The following PDCL3 variants were observed in gnomAD, a reference collection of about 807,000 sequenced individuals.
PDCL3 encodes the protein phosducin like 3.
Under a neutral mutation model 26.5 loss-of-function variants are expected in PDCL3, and 22 were observed. The observed-to-expected ratio is 0.83, with a 90% confidence interval of 0.59 to 1.19. PDCL3 has a LOEUF of 1.19. PDCL3 is among the 50% of genes most tolerant of loss of function. The pLI is 0.00. For missense variants in PDCL3, 246 were observed against 294.1 expected (o/e 0.84, Z 1.20); for synonymous variants, 81 against 104.9 (o/e 0.77, Z 1.39).
At chr2:100,572,604 G>GC (rs1235201661) in intron 5 of PDCL3, among the ~76,000 whole-genome samples, 2 of 151,692 alleles carry the variant, frequency 1.3e-5, no homozygotes, top group African/African-American at 2.4e-5. Flanking sequence ...TGCAACCTCT[G>GC]CCCCCCAGGT....
At position 100,567,299 on chromosome 2, in the gene PDCL3, C is replaced by A. The variant is rs549969697; in HGVS notation, c.133+670C>A. On this transcript the variant is annotated intron_variant, in intron 2 of 5. Transcript: ENST00000264254. ...TTTATTAGAAAGTATCCAGCGAGTG[C>A]TTACTGCATGATTATCATTGTCAGG... 1.1e-4 allele frequency among the ~76,000 whole-genome samples: 17 copies of A among 152,300 alleles called. No homozygotes were observed. In the South Asian group the frequency reaches 3.5e-3, roughly 32 times the overall value.
intron 2 of PDCL3, among the ~76,000 whole-genome samples, chr2:100,568,122 G>C (rs557352636): frequency 1.3e-5 from 2 of 152,180 alleles, no homozygotes; most frequent in Non-Finnish European, 2.9e-5. Flanking sequence ...GCCAAGGGAT[G>C]CATTAACTTG....
intron 5 of PDCL3, among the ~76,000 whole-genome samples, chr2:100,574,358 T>G (rs1249317286): frequency 6.6e-6 from 1 of 151,960 alleles, no homozygotes; most frequent in East Asian, 1.9e-4. Context: ...TTTTTTTTTT[T>G]TAAGAAACAG....
intron 1 of PDCL3, among the ~76,000 whole-genome samples, chr2:100,563,978 C>G (rs995597790): frequency 2.7e-5 from 4 of 148,952 alleles, no homozygotes; most frequent in African/African-American, 9.9e-5. Flanking sequence ...GTGGCTCTGT[C>G]ACAGCTCACT....
rs755204035 is a variant in PDCL3 at position 100,575,525 on chromosome 2, A to T, written c.578-829A>T. On this transcript the variant is annotated intron_variant, in intron 5 of 5. Coordinates refer to ENST00000264254, the MANE Select transcript of PDCL3 (RefSeq NM_024065.5). Reference sequence around the variant, plus strand: ...GAAGCCATTTGTTGTAGAATCTCTTACGTAGTCCTTTGGTTCTGCCTGGGC... The same window carrying T: ...GAAGCCATTTGTTGTAGAATCTCTTTCGTAGTCCTTTGGTTCTGCCTGGGC... Among the ~76,000 whole-genome samples, 36 of 152,306 alleles carry T rather than the reference A, an allele frequency of 2.4e-4. No homozygotes were observed. In the South Asian group the frequency reaches 3.5e-3, roughly 15 times the overall value.
At chr2:100,565,662 C>CT (rs1363119347) in intron 1 of PDCL3, among the ~76,000 whole-genome samples, 1 of 152,188 alleles carries the variant, frequency 6.6e-6, no homozygotes, top group African/African-American at 2.4e-5. Flanking sequence ...GGGAACATCC[C>CT]TATCTACTCT....
chr2:100,566,492 C>A lies in PDCL3; in HGVS notation c.7-11C>A. On this transcript the variant is annotated splice_polypyrimidine_tract_variant and intron_variant, in intron 1 of 5. Transcript: ENST00000264254. ...TTAGCACTCATGGTAACCTTGGTCC[C>A]GCTCTTCTAGGACCCCAACGCAGAC... is the stretch of plus-strand genomic sequence containing the variant. 6.2e-7 allele frequency: 1 copy of A among 1,611,392 alleles called. No individual in the cohort carries two copies. The highest frequency in any genetic ancestry group is 8.5e-7 in the Non-Finnish European group (1 of 1,179,498).
chr2:100,563,090 C>A lies in PDCL3; in HGVS notation c.6+17C>A. 6.2e-7 allele frequency: 1 copy of A among 1,601,662 alleles called. No individual in the cohort carries two copies. The highest frequency in any genetic ancestry group is 8.5e-7 in the Non-Finnish European group (1 of 1,174,762). On this transcript the variant is annotated intron_variant, in intron 1 of 5. Transcript: ENST00000264254. ...AAGATGCAGGTGAGCTAGGACGGGT[C>A]TCGGGTCTGGGGGCTGCGGCCCGTT...
chr2:100,569,527 G>C, intron 3 of PDCL3, 51 bp from the exon 4 acceptor site: 1 of 1,594,696 alleles, frequency 6.3e-7, no homozygotes, highest in Non-Finnish European at 8.5e-7. Context: ...TAGACGATGT[G>C]TGTGTACACG....
intron 4 of PDCL3, 115 bp downstream of exon 4, chr2:100,569,836 G>A (rs1348497708): frequency 8.5e-7 from 1 of 1,182,170 alleles, no homozygotes; most frequent in Non-Finnish European, 1.2e-6. Flanking sequence ...GCCAGGCGCA[G>A]TAGCTCACAC....
chr2:100,574,068 A>G (rs543628846), intron 5 of PDCL3, among the ~76,000 whole-genome samples: 87 of 152,222 alleles, frequency 5.7e-4, no homozygotes, highest in Admixed American at 3.6e-3. Context: ...CAGTAGCACT[A>G]TCTTGGCTCA....
chr2:100,569,265 C>T (rs1375919360), intron 3 of PDCL3, among the ~76,000 whole-genome samples: 1 of 152,046 alleles, frequency 6.6e-6, no homozygotes, highest in Non-Finnish European at 1.5e-5. Flanking sequence ...GCTATAGTTC[C>T]AGCTACTCAG....
At chr2:100,564,390 C>CTG (rs1300366637) in intron 1 of PDCL3, among the ~76,000 whole-genome samples, 3 of 151,726 alleles carry the variant, frequency 2.0e-5, no homozygotes, top group Non-Finnish European at 4.4e-5. Flanking sequence ...TCCGCCTCTC[C>CTG]AGTTCACGCC....
chr2:100,564,860 G>T (rs1675031065), intron 1 of PDCL3, among the ~76,000 whole-genome samples: 1 of 152,210 alleles, frequency 6.6e-6, no homozygotes, highest in African/African-American at 2.4e-5. Context: ...TAGCATGGCA[G>T]TGCCTCTAAA....
rs748608083 is a variant in PDCL3, at chr2:100,571,612, A to C, written c.391A>C (p.Asn131His). Residue 131 changes from asparagine to histidine, a missense_variant, in exon 5 of 6, where the codon AAT becomes CAT. By Grantham distance (68) the Asn-to-His change is moderately conservative. Transcript: ENST00000264254. ...KQGIPLCALINQHLSGLARKF... is the reference protein window; with the variant it reads ...KQGIPLCALIHQHLSGLARKF... Reference sequence around the variant, plus strand: ...TAGAATTCCCCTCTGTGCCCTGATAAATCAGCACCTCAGTGGACTTGCCAG... The same window carrying C: ...TAGAATTCCCCTCTGTGCCCTGATACATCAGCACCTCAGTGGACTTGCCAG... 6.8e-6 allele frequency: 11 copies of C among 1,613,064 alleles called. No homozygotes were observed. The highest frequency in any genetic ancestry group is 9.3e-6 in the Non-Finnish European group (11 of 1,179,860).
chr2:100,570,052 G>A (rs532196391), intron 4 of PDCL3, among the ~76,000 whole-genome samples: 20 of 152,298 alleles, frequency 1.3e-4, no homozygotes, highest in African/African-American at 4.6e-4. Context: ...GGAGCTTGCA[G>A]TGAGCCGAGA....
chr2:100,575,437 G>C (rs889579077), intron 5 of PDCL3, among the ~76,000 whole-genome samples: 23 of 152,180 alleles, frequency 1.5e-4, no homozygotes, highest in African/African-American at 4.8e-5. Flanking sequence ...GCCCGGCCTG[G>C]TTTTCAGATT....
intron 4 of PDCL3, 42 bp from the exon 5 acceptor site, chr2:100,571,548 G>A: frequency 1.9e-6 from 3 of 1,575,072 alleles, no homozygotes; most frequent in Non-Finnish European, 2.6e-6. Flanking sequence ...CTGTATAAAT[G>A]TAGGATCATA....
chr2:100,572,234 CAG>C (rs1675191842), intron 5 of PDCL3, among the ~76,000 whole-genome samples: 2 of 152,120 alleles, frequency 1.3e-5, no homozygotes, highest in Admixed American at 6.6e-5. Flanking sequence ...TTTTTTGAGA[CAG>C]AGTCTTGCTC....
Sources: gnomAD v4.1 joint callset for allele counts (sites outside exome capture counted in the v4.1 genomes callset) on GRCh38, gnomAD v4.1.1 for gene constraint, MANE v1.5 for transcripts, NCBI Gene and HGNC (gene_info 2026-07-23, HGNC 2026-07-21) for gene names.